Variants in ADAD2 observed in about 807,000 individuals in gnomAD.
ADAD2 encodes adenosine deaminase domain-containing protein 2.
In ADAD2, 60 loss-of-function variants were observed where a neutral mutation model predicts 54.5. That is an observed-to-expected ratio of 1.10 (90% CI 0.89 to 1.36). The LOEUF (loss-of-function observed/expected upper bound fraction) is 1.36. ADAD2 is among the 40% of genes most tolerant of loss of function. ADAD2 has a pLI of 0.00. For missense variants in ADAD2, 1,103 were observed against 801.3 expected (o/e 1.38, Z -4.54); for synonymous variants, 543 against 366.2 (o/e 1.48, Z -5.51).
intron 1 of ADAD2, chr16:84,193,454 T>A (rs982006047): frequency 6.6e-6 from 1 of 152,578 alleles, no homozygotes; most frequent in Non-Finnish European, 1.5e-5. Context: ...TGAGTTCAGG[T>A]GATGTGTTAT....
At chr16:84,194,240 C>T in intron 1 of ADAD2, 1 of 1,555,314 alleles carries the variant, frequency 6.4e-7, no homozygotes, top group Non-Finnish European at 8.7e-7. Flanking sequence ...TTGGTTGAAT[C>T]AGCGATGGGT....
At chr16:84,194,743 G>A (rs771773732) in intron 2 of ADAD2, 161 bp downstream of exon 2, 63 of 1,354,656 alleles carry the variant, frequency 4.7e-5, no homozygotes, top group Admixed American at 3.9e-4. Context: ...GAGCTGGGGC[G>A]GGGTACATGT....
At chr16:84,196,450 C>A in intron 8 of ADAD2, 80 bp downstream of exon 8, 1 of 1,557,150 alleles carries the variant, frequency 6.4e-7, no homozygotes, top group South Asian at 1.2e-5. Flanking sequence ...TCACCTCAGT[C>A]TAATCCCAGC....
rs1278377965 is a variant in ADAD2, at chr16:84,195,664, G to T, written c.1019G>T (p.Ser340Ile). 3.2e-6 allele frequency: 5 copies of T among 1,582,972 alleles called. No individual in the cohort carries two copies. Among genetic ancestry groups the T allele is most frequent in the Non-Finnish European group, 4.3e-6 (5 of 1,167,628 alleles). The change falls in exon 6 of 10, where the codon AGC becomes ATC. Residue 340 changes from serine (S) to isoleucine (I), a missense_variant. Ser to Ile is a moderately radical substitution (Grantham distance 142). Coordinates refer to ENST00000315906, the MANE Select transcript of ADAD2 (RefSeq NM_001145400.2). ...KPRVFLHLYI[S>I]NTPKGAARDI... Reference sequence around the variant, plus strand: ...CGCGTCTTCCTGCACCTCTACATCAGCAACACCCCCAAGGGCGCGGCCCGT... The same window carrying T: ...CGCGTCTTCCTGCACCTCTACATCATCAACACCCCCAAGGGCGCGGCCCGT...
chr16:84,194,021 A>G (rs1255753753), intron 1 of ADAD2: 3 of 1,591,090 alleles, frequency 1.9e-6, no homozygotes, highest in African/African-American at 1.3e-5. Flanking sequence ...GTGTTCAAAT[A>G]TAGAGCCCCT....
chr16:84,193,941 C>T, intron 1 of ADAD2: 1 of 1,442,042 alleles, frequency 6.9e-7, no homozygotes, highest in Non-Finnish European at 9.4e-7. Flanking sequence ...CATGTGATCC[C>T]AGTTCCAGAT....
At chr16:84,196,488 C>A in intron 8 of ADAD2, 118 bp downstream of exon 8, 1 of 606,338 alleles carries the variant, frequency 1.6e-6, no homozygotes, top group Non-Finnish European at 2.3e-6. Flanking sequence ...CCCCTTCGCT[C>A]AACCCCTTCC....
rs375713849 is a variant in ADAD2, at chr16:84,191,519, G to C, written c.289G>C (p.Val97Leu). The C allele has an allele frequency of 6.5e-7, 1 of 1,545,594 alleles. No homozygotes were observed. Among genetic ancestry groups the C allele is most frequent in the African/African-American group, 1.4e-5 (1 of 73,116 alleles). The change falls in exon 1 of 10, where the codon GTC (valine) becomes CTC (leucine). Residue 97 changes from valine (V) to leucine (L), a missense_variant. Transcript: ENST00000315906. ...GGAACAGATGGGGAAGGCCCCGAGGGTCCCTGTGCCCCCAGCAGGGCTCAG... is the reference window on the plus strand; with the variant it reads ...GGAACAGATGGGGAAGGCCCCGAGGCTCCCTGTGCCCCCAGCAGGGCTCAG... ...LGEQMGKAPR[V>L]PVPPAGLSLP...
At position 84,191,657 on chromosome 16, in the gene ADAD2, G is replaced by A. The variant is rs973576788; in HGVS notation, c.418+9G>A. 1.9e-6 allele frequency: 3 copies of A among 1,555,308 alleles called. No individual in the cohort carries two copies. The highest frequency in any genetic ancestry group is 1.4e-5 in the African/African-American group (1 of 73,542). ...GGAGGACCAGCCACCAGGTGAGGCC[G>A]GGCCGGGGCATGGCTGTGCCAGAGG... On this transcript the variant is annotated intron_variant, in intron 1 of 9. Coordinates refer to ENST00000315906, the MANE Select transcript of ADAD2 (RefSeq NM_001145400.2).
At chr16:84,191,801 T>G (rs1470090763) in intron 1 of ADAD2, 153 bp downstream of exon 1, 9 of 1,139,750 alleles carry the variant, frequency 7.9e-6, no homozygotes, top group Non-Finnish European at 1.1e-5. Flanking sequence ...GCTTGGGACC[T>G]TGGGGTGGAC....
chr16:84,195,265 G>A (rs750892976), intron 4 of ADAD2, 31 bp from the exon 5 acceptor site: 1 of 1,612,030 alleles, frequency 6.2e-7, no homozygotes. Flanking sequence ...CCTTGCCTTA[G>A]GCTGGGCCGT....
chr16:84,194,725 C>T (rs1464662699), intron 2 of ADAD2, 143 bp downstream of exon 2: 2 of 1,424,228 alleles, frequency 1.4e-6, no homozygotes, highest in African/African-American at 2.8e-5. Context: ...CAGGACGTCA[C>T]CTGCAGGGAG....
chr16:84,193,874 T>G, intron 1 of ADAD2: 1 of 999,828 alleles, frequency 1.0e-6, no homozygotes, highest in Non-Finnish European at 1.4e-6. Context: ...AGAGGGGCAG[T>G]CCTTGGGAGA....
At position 84,195,310 on chromosome 16, in the gene ADAD2, A is replaced by G. The variant is rs1001636936; in HGVS notation, c.748A>G (p.Arg250Gly). The stretch of plus-strand genomic sequence containing the variant: ...CTCCTGCACAGAGATCCCGCGTGCC[A>G]GGGGCCACGTGAAGGAGATCTACAA... ...VILEREIPRA[R>G]GHVKEIYKLV... Residue 250 changes from arginine (R) to glycine (G), a missense_variant, in exon 5 of 10, where the codon AGG becomes GGG. Arg to Gly is a moderately radical substitution (Grantham distance 125). Transcript: ENST00000315906. 28 of 1,610,916 alleles carry G rather than the reference A, an allele frequency of 1.7e-5. No individual in the cohort carries two copies. The highest frequency in any genetic ancestry group is 8.9e-5 in the East Asian group (4 of 44,784).
Position 84,191,460 on chromosome 16 carries a change from A to G in ADAD2, c.230A>G (p.Glu77Gly). The part of the protein sequence containing the change: ...SGPGAGAGVG[E>G]LGAARAWENL... ...CCTGGGGCAGGGGCCGGAGTCGGGG[A>G]ACTGGGGGCAGCCCGGGCGTGGGAA... The change falls in exon 1 of 10, where the codon GAA (glutamate) becomes GGA (glycine). Residue 77 changes from glutamate to glycine, a missense_variant. By Grantham distance (98) the Glu-to-Gly change is moderately conservative. Coordinates refer to ENST00000315906, the MANE Select transcript of ADAD2 (RefSeq NM_001145400.2). 4.6e-6 allele frequency: 7 copies of G among 1,530,124 alleles called. No individual in the cohort carries two copies. The highest frequency in any genetic ancestry group is 6.1e-6 in the Non-Finnish European group (7 of 1,140,878). 94.8% of individuals were successfully genotyped at this position (1,530,124 alleles called of 1,614,324 possible). A position where few individuals can be genotyped will look rare whatever the true frequency, so the allele number is the denominator to read the frequency against.
At position 84,195,371 on chromosome 16, in the gene ADAD2, C is replaced by A. The variant is rs768169081; in HGVS notation, c.809C>A (p.Ala270Asp). The change falls in exon 5 of 10, where the codon GCT (alanine) becomes GAT (aspartate). Residue 270 changes from alanine to aspartate, a missense_variant. By Grantham distance (126) the Ala-to-Asp change is moderately radical. Coordinates refer to ENST00000315906, the MANE Select transcript of ADAD2 (RefSeq NM_001145400.2). ...CTGGGCACCGGCAGCAGCTGCTGTG[C>A]TGGCTGGCTGGAGTTCTCGGGCCAG... ...VALGTGSSCC[A>D]GWLEFSGQQL... 9 of 1,608,954 alleles carry A rather than the reference C, an allele frequency of 5.6e-6. No homozygotes were observed. The Admixed American group carries it at 1.5e-4, about 27-fold the overall frequency.
chr16:84,193,398 G>GT (rs2089682408), intron 1 of ADAD2: 1 of 152,284 alleles, frequency 6.6e-6, no homozygotes, highest in African/African-American at 2.4e-5. Context: ...AGGGCCAGTA[G>GT]TTTTGCGAAT....
At position 84,196,134 on chromosome 16, in the gene ADAD2, A is replaced by G. The variant is rs759069263; in HGVS notation, c.1290A>G (p.Ser430=). The G allele has an allele frequency of 1.0e-5, 16 of 1,602,394 alleles. No homozygotes were observed. The highest frequency in any genetic ancestry group is 1.4e-5 in the Non-Finnish European group (16 of 1,179,720). Residue 430 remains serine (S), a synonymous_variant, in exon 8 of 10, where the codon TCA becomes TCG. Coordinates refer to ENST00000315906, the MANE Select transcript of ADAD2 (RefSeq NM_001145400.2). ...LYSTSLILAD[S]CHDPPTLSRA... is the part of the protein sequence containing the mutation. ...GTCCCTTCTGCCCTGCAGCTGACTC[A>G]TGCCACGACCCTCCGACTCTGAGCA...
At position 84,195,887 on chromosome 16, in the gene ADAD2, G is replaced by A. The variant is rs1246143279; in HGVS notation, c.1125G>A (p.Gln375=). Residue 375 remains glutamine (Q), a synonymous_variant, in exon 7 of 10, where the codon CAG becomes CAA. Coordinates refer to ENST00000315906, the MANE Select transcript of ADAD2 (RefSeq NM_001145400.2). ...PMRLQAHVLG[Q]LKPVCYVAPS... The stretch of plus-strand genomic sequence containing the variant: ...GCCTGCAGGCCCATGTGCTCGGGCA[G>A]CTGAAGCCTGTGTGCTACGTGGCGC... 6.2e-7 allele frequency: 1 copy of A among 1,603,730 alleles called. No homozygotes were observed. Among genetic ancestry groups the A allele is most frequent in the East Asian group, 2.2e-5 (1 of 44,822 alleles).
Sources: allele counts gnomAD v4.1 joint callset, GRCh38; gene constraint gnomAD v4.1.1; transcripts MANE v1.5; gene names NCBI Gene and HGNC (gene_info 2026-07-23, HGNC 2026-07-21).